The following ZFHX3 variants were observed in gnomAD, a reference collection of about 807,000 sequenced individuals.
ZFHX3 encodes the protein zinc finger homeobox protein 3.
ZFHX3 carries 42 observed loss-of-function variants against 279.1 expected under a neutral mutation model. That is an observed-to-expected ratio of 0.15 (90% confidence interval 0.12 to 0.19). The LOEUF is 0.19. Ranked by LOEUF, ZFHX3 falls within the 10% of genes least tolerant of loss-of-function variation. The pLI is 1.00. For synonymous variants in ZFHX3, 2,293 were observed against 1,957.8 expected (o/e 1.17, Z -4.52); for missense variants, 4,981 against 4,754.0 (o/e 1.05, Z -1.40).
chr16:73,551,433 C>G (rs1287995971), intron 2 of ZFHX3, among the ~76,000 whole-genome samples: 1 of 152,152 alleles, frequency 6.6e-6, no homozygotes, highest in South Asian at 2.1e-4. Flanking sequence ...AAAAGATAAT[C>G]TAGTTACCAA....
chr16:73,218,344 A>G (rs2012287551), intron 5 of ZFHX3, among the ~76,000 whole-genome samples: 1 of 152,240 alleles, frequency 6.6e-6, no homozygotes, highest in East Asian at 1.9e-4. Flanking sequence ...CTGTCCAATG[A>G]AACTTCTTGG....
intron 5 of ZFHX3, among the ~76,000 whole-genome samples, chr16:73,220,971 A>G (rs1482379026): frequency 2.6e-5 from 4 of 152,136 alleles, no homozygotes; most frequent in Non-Finnish European, 1.5e-5. Flanking sequence ...GGCTTATCCT[A>G]TATGGGGAAA....
rs549769902 is a variant in ZFHX3, at chr16:73,157,035, T to C, written c.-1103-13204A>G. On this transcript the variant is annotated intron_variant, in intron 5 of 17. Transcript: ENST00000641206. ...CCTCCTGGCTTATTTTTTAATTTTT[T>C]TGTAGAGACGAGTTCTCACTATATT... 2.9e-4 allele frequency among the ~76,000 whole-genome samples: 44 copies of C among 152,238 alleles called. No homozygotes were observed. In the East Asian group the frequency reaches 8.5e-3, roughly 29 times the overall value.
At chr16:73,613,883 GC>G (rs2052272929) in intron 2 of ZFHX3, among the ~76,000 whole-genome samples, 3 of 152,176 alleles carry the variant, frequency 2.0e-5, no homozygotes, top group Admixed American at 2.0e-4. Context: ...CGGTCACAGC[GC>G]TACCAATGTC....
intron 6 of ZFHX3, among the ~76,000 whole-genome samples, chr16:73,138,363 A>T (rs550805634): frequency 6.6e-6 from 1 of 152,276 alleles, no homozygotes; most frequent in Admixed American, 6.5e-5. Flanking sequence ...AAGGAAATCC[A>T]TTCAAGAGGA....
chr16:73,266,500 A>G (rs1341766970), intron 4 of ZFHX3, among the ~76,000 whole-genome samples: 1 of 152,178 alleles, frequency 6.6e-6, no homozygotes, highest in African/African-American at 2.4e-5. Flanking sequence ...AATTTTTACA[A>G]TGCTACTGTG....
At chr16:73,230,691 G>A (rs1362142938) in intron 5 of ZFHX3, among the ~76,000 whole-genome samples, 1 of 152,186 alleles carries the variant, frequency 6.6e-6, no homozygotes, top group Non-Finnish European at 1.5e-5. Flanking sequence ...CCATGTCACA[G>A]GCAGATGTAA....
intron 7 of ZFHX3, among the ~76,000 whole-genome samples, chr16:72,802,077 C>T (rs1028275707): frequency 1.3e-5 from 2 of 152,058 alleles, no homozygotes; most frequent in African/African-American, 2.4e-5. Context: ...CTCAGCTGCA[C>T]ATCATTATAG....
intron 4 of ZFHX3, among the ~76,000 whole-genome samples, chr16:72,876,305 G>A (rs1392987074): frequency 1.3e-5 from 2 of 152,168 alleles, no homozygotes; most frequent in African/African-American, 4.8e-5. Flanking sequence ...AGTCTCGCTT[G>A]AGAAACATGA....
chr16:73,559,905 T>C (rs1026438219), intron 2 of ZFHX3, among the ~76,000 whole-genome samples: 1 of 152,138 alleles, frequency 6.6e-6, no homozygotes, highest in African/African-American at 2.4e-5. Context: ...TGTGAGCAGG[T>C]TTGTGTTCAG....
At chr16:72,901,618 G>A (rs1371720024) in intron 3 of ZFHX3, among the ~76,000 whole-genome samples, 2 of 152,198 alleles carry the variant, frequency 1.3e-5, no homozygotes, top group African/African-American at 2.4e-5. Flanking sequence ...GGCTGATGCA[G>A]ACATTTCACT....
At chr16:72,822,261 G>GAC (rs2036812407) in intron 5 of ZFHX3, among the ~76,000 whole-genome samples, 1 of 152,198 alleles carries the variant, frequency 6.6e-6, no homozygotes, top group African/African-American at 2.4e-5. Flanking sequence ...AACTCTATCT[G>GAC]ACAACAAGAG....
chr16:73,617,667 T>C (rs978901058), intron 2 of ZFHX3, among the ~76,000 whole-genome samples: 3 of 151,946 alleles, frequency 2.0e-5, no homozygotes, highest in Admixed American at 1.3e-4. Context: ...GGTATTGTCT[T>C]TGTTAGGACT....
chr16:73,324,262 C>T (rs1411135511), intron 3 of ZFHX3, among the ~76,000 whole-genome samples: 1 of 152,118 alleles, frequency 6.6e-6, no homozygotes, highest in Non-Finnish European at 1.5e-5. Flanking sequence ...CAGTGTCATT[C>T]TTGGAGGTGA....
At chr16:72,855,764 C>T (rs887252519) in intron 4 of ZFHX3, among the ~76,000 whole-genome samples, 2 of 152,150 alleles carry the variant, frequency 1.3e-5, no homozygotes, top group African/African-American at 2.4e-5. Flanking sequence ...TATTCCAGCA[C>T]GTGAAGAAGC....
chr16:73,617,767 CT>C (rs1484244349), intron 2 of ZFHX3, among the ~76,000 whole-genome samples: 2 of 152,066 alleles, frequency 1.3e-5, no homozygotes, highest in African/African-American at 4.8e-5. Flanking sequence ...AAAATGTTAA[CT>C]TGTTTTTTTT....
chr16:73,129,002 T>C (rs1966624101), intron 7 of ZFHX3, among the ~76,000 whole-genome samples: 1 of 152,086 alleles, frequency 6.6e-6, no homozygotes, highest in South Asian at 2.1e-4. Context: ...CCTACTTACT[T>C]TGTGCTAAGT....
chr16:73,647,319 C>G (rs2052628471), intron 2 of ZFHX3, among the ~76,000 whole-genome samples: 1 of 152,166 alleles, frequency 6.6e-6, no homozygotes, highest in Admixed American at 6.5e-5. Flanking sequence ...ATATAGTTTG[C>G]ATTTGTGTCT....
At chr16:72,931,404 TACACACACACACACACAC>T (rs59696404) in intron 3 of ZFHX3, among the ~76,000 whole-genome samples, 120 of 120,164 alleles carry the variant, frequency 1.0e-3, no homozygotes, top group African/African-American at 1.6e-3. Flanking sequence ...TTTATTTCAT[TACACACACACACACACAC>T]ACACACACAC....
Sources: gnomAD v4.1 joint callset for allele counts (sites outside exome capture counted in the v4.1 genomes callset) on GRCh38, gnomAD v4.1.1 for gene constraint, MANE v1.5 for transcripts, NCBI Gene and HGNC (gene_info 2026-07-23, HGNC 2026-07-21) for gene names.